Variants in TENM3 observed in about 807,000 individuals in gnomAD.
TENM3 encodes the protein teneurin transmembrane protein 3.
A neutral mutation model predicts 255.1 loss-of-function variants in TENM3; 63 were observed. The ratio of observed to expected loss-of-function variants is 0.25; its 90% CI spans 0.20 to 0.30. The LOEUF (loss-of-function observed/expected upper bound fraction) is 0.30, where lower values mean the gene tolerates loss of function less well. TENM3 is among the 10% of genes least tolerant of loss of function. TENM3 has a pLI of 1.00. For synonymous variants in TENM3, 1,306 were observed against 1,322.3 expected (o/e 0.99, Z 0.27); for missense variants, 2,929 against 3,461.1 (o/e 0.85, Z 3.86).
At chr4:182,286,374 C>T (rs577683334) in intron 1 of TENM3, among the ~76,000 whole-genome samples, 2 of 152,244 alleles carry the variant, frequency 1.3e-5, no homozygotes, top group Non-Finnish European at 2.9e-5. Flanking sequence ...AACTGTTCAA[C>T]CAGAGATTGG....
At chr4:181,589,778 T>A in the TENM3 span, among the ~76,000 whole-genome samples, 1 of 152,180 alleles carries the variant, frequency 6.6e-6, no homozygotes, top group East Asian at 1.9e-4. Flanking sequence ...CCAAATTATG[T>A]GGGAGACTAG....
chr4:182,789,298 C>T lies in TENM3; in HGVS notation c.5510C>T (p.Thr1837Ile), dbSNP rs751164674. The change falls in exon 25 of 28, where the codon ACT becomes ATT. Residue 1837 changes from threonine to isoleucine, a missense_variant. Thr to Ile is a moderately conservative substitution (Grantham distance 89). Transcript: ENST00000511685. This position sits in a 1 kb window ranked among gnomAD's most constrained non-coding sequence, Gnocchi z 4.4. ...GQIASIQRGT[T>I]SEKVDYDGQG... ...ATTGCCAGCATCCAGCGAGGCACCA[C>T]TAGCGAGAAAGTAGATTATGACGGA... 3 of 1,613,840 alleles carry T rather than the reference C, an allele frequency of 1.9e-6. No homozygotes were observed. The highest frequency in any genetic ancestry group is 1.7e-6 in the Non-Finnish European group (2 of 1,179,846).
the TENM3 span, among the ~76,000 whole-genome samples, chr4:181,483,772 TA>T: frequency 5.0e-4 from 76 of 152,258 alleles, no homozygotes; most frequent in African/African-American, 1.8e-3. Flanking sequence ...CATCTTATTC[TA>T]AAAATCCTTC....
the TENM3 span, among the ~76,000 whole-genome samples, chr4:181,686,097 G>C: frequency 1.1e-4 from 16 of 152,064 alleles, no homozygotes; most frequent in Admixed American, 1.3e-4. Flanking sequence ...TGGCAAACTA[G>C]TTTTACTCAT....
intron 3 of TENM3, among the ~76,000 whole-genome samples, chr4:182,549,455 C>A (rs116084130): frequency 6.6e-6 from 1 of 152,002 alleles, no homozygotes; most frequent in Admixed American, 6.6e-5. Context: ...CCCATCTGAT[C>A]GGATTTCAGA....
intron 22 of TENM3, among the ~76,000 whole-genome samples, chr4:182,760,456 A>G (rs1384888811): frequency 6.6e-6 from 1 of 152,180 alleles, no homozygotes; most frequent in African/African-American, 2.4e-5. Context: ...GTTTGGGCAT[A>G]TCTAGAGGCT....
At chr4:182,299,016 A>C (rs55693008) in intron 1 of TENM3, among the ~76,000 whole-genome samples, 1 of 102,304 alleles carries the variant, frequency 9.8e-6, no homozygotes. Context: ...AAAAAAAAAA[A>C]GAGGTAATGG....
chr4:181,467,016 TACTC>T, the TENM3 span, among the ~76,000 whole-genome samples: 3 of 147,010 alleles, frequency 2.0e-5, no homozygotes, highest in African/African-American at 7.6e-5. Context: ...ACTCAGAACT[TACTC>T]TATTACATGT....
At chr4:181,866,492 T>G in the TENM3 span, among the ~76,000 whole-genome samples, 1 of 152,214 alleles carries the variant, frequency 6.6e-6, no homozygotes, top group Non-Finnish European at 1.5e-5. Flanking sequence ...TATTTACAAT[T>G]TATAGCTTTT....
intron 3 of TENM3, among the ~76,000 whole-genome samples, chr4:182,595,643 G>A (rs1336738308): frequency 2.6e-5 from 4 of 152,216 alleles, no homozygotes; most frequent in South Asian, 2.1e-4. Flanking sequence ...GGAAAGGCAC[G>A]TGGAAAGAAA....
At chr4:182,641,504 T>A (rs753360664) in intron 5 of TENM3, among the ~76,000 whole-genome samples, 1 of 151,706 alleles carries the variant, frequency 6.6e-6, no homozygotes, top group African/African-American at 2.4e-5. Flanking sequence ...ATTTGTTACA[T>A]AAAAGTAGTA....
chr4:181,725,752 T>G, the TENM3 span, among the ~76,000 whole-genome samples: 2 of 152,310 alleles, frequency 1.3e-5, no homozygotes, highest in Admixed American at 1.3e-4. Context: ...TTTCAAACCA[T>G]TTTTTAATGA....
chr4:182,066,841 G>A, the TENM3 span, among the ~76,000 whole-genome samples: 19 of 152,058 alleles, frequency 1.2e-4, no homozygotes, highest in Admixed American at 2.6e-4. Context: ...AACCCGGGAG[G>A]CGGAGCTTGC....
chr4:182,265,608 C>T (rs931021038), intron 1 of TENM3, among the ~76,000 whole-genome samples: 3 of 152,094 alleles, frequency 2.0e-5, no homozygotes, highest in Non-Finnish European at 4.4e-5. Context: ...TGCATGCTGG[C>T]CCTGTTCCTC....
chr4:181,671,616 C>T, the TENM3 span, among the ~76,000 whole-genome samples: 8,370 of 152,244 alleles, frequency 0.055, 323 homozygotes, highest in Middle Eastern at 0.16. Context: ...GCTCGACGTA[C>T]ATTATTTCAT....
chr4:182,779,601 A>G (rs1764999187), intron 24 of TENM3, among the ~76,000 whole-genome samples: 1 of 152,140 alleles, frequency 6.6e-6, no homozygotes, highest in African/African-American at 2.4e-5. Flanking sequence ...GTCAAATGGT[A>G]TTTCCAGTTC....
chr4:182,244,575 C>T (rs1579871466), intron 1 of TENM3, among the ~76,000 whole-genome samples: 1 of 152,260 alleles, frequency 6.6e-6, no homozygotes, highest in East Asian at 1.9e-4. Flanking sequence ...TCAGCTTTAG[C>T]CTGGCTCCTA....
intron 4 of TENM3, among the ~76,000 whole-genome samples, chr4:182,625,265 G>A (rs1214470303): frequency 6.6e-6 from 1 of 152,152 alleles, no homozygotes; most frequent in Non-Finnish European, 1.5e-5. Context: ...ACAGATCTGC[G>A]GCCTGTTAGG....
Position 182,635,098 on chromosome 4 carries a change from C to T in TENM3, c.988+6209C>T, listed in dbSNP as rs982971664. On this transcript the variant is annotated intron_variant, in intron 5 of 27. Coordinates refer to ENST00000511685, the MANE Select transcript of TENM3 (RefSeq NM_001080477.4). Reference sequence around the variant, plus strand: ...GCTAGGCAGAGTCAGAGAATTTCTCCATGTACAGTAGCACCAAAGGTATTT... The same window carrying T: ...GCTAGGCAGAGTCAGAGAATTTCTCTATGTACAGTAGCACCAAAGGTATTT... 3.9e-5 allele frequency among the ~76,000 whole-genome samples: 6 copies of T among 152,188 alleles called. No homozygotes were observed. In the East Asian group the frequency reaches 5.8e-4, roughly 15 times the overall value.
Sources: allele counts gnomAD v4.1 joint callset (sites outside exome capture counted in the v4.1 genomes callset), GRCh38; gene constraint gnomAD v4.1.1; non-coding constraint Gnocchi (gnomAD v3.1); transcripts MANE v1.5; gene names NCBI Gene and HGNC (gene_info 2026-07-23, HGNC 2026-07-21).